The following RGS7 variants were observed in gnomAD, a reference collection of about 807,000 sequenced individuals.
RGS7 encodes regulator of G protein signaling 7.
Under a neutral mutation model 81.1 loss-of-function variants are expected in RGS7, and 27 were observed. The observed-to-expected ratio is 0.33, with a 90% CI of 0.25 to 0.46. RGS7 has a LOEUF of 0.46. Among genes scored for constraint, RGS7 ranks in the 20% least tolerant of loss-of-function variants. RGS7 has a pLI of 1.00. For synonymous variants in RGS7, 208 were observed against 207.7 expected, an observed-to-expected ratio of 1.00 and a Z score of -0.01; for missense variants, 396 against 607.4, an observed-to-expected ratio of 0.65 and a Z score of 3.66.
chr1:241,111,453 A>G (rs2065505133), intron 2 of RGS7, among the ~76,000 whole-genome samples: 1 of 152,132 alleles, frequency 6.6e-6, no homozygotes, highest in Admixed American at 6.6e-5. Context: ...ACATCCTTCT[A>G]CAATTGTCTG....
chr1:241,097,719 GC>G (rs2064377628), intron 3 of RGS7, among the ~76,000 whole-genome samples: 1 of 152,054 alleles, frequency 6.6e-6, no homozygotes, highest in East Asian at 1.9e-4. Context: ...CCCAAAACTG[GC>G]ACTTTCACTG....
intron 3 of RGS7, among the ~76,000 whole-genome samples, chr1:241,036,713 T>A (rs879592887): frequency 6.6e-6 from 1 of 152,234 alleles, no homozygotes; most frequent in Non-Finnish European, 1.5e-5. Context: ...CTAAGTATGT[T>A]GTAGTAGAGA....
intron 4 of RGS7, among the ~76,000 whole-genome samples, chr1:240,953,001 G>T (rs926506691): frequency 5.2e-4 from 79 of 151,806 alleles, no homozygotes; most frequent in Non-Finnish European, 1.0e-3. Context: ...ACAATAAATT[G>T]ATTATGAAGA....
intron 2 of RGS7, among the ~76,000 whole-genome samples, chr1:241,113,446 C>T (rs1240046292): frequency 1.3e-5 from 2 of 152,118 alleles, no homozygotes; most frequent in African/African-American, 4.8e-5. Context: ...TGTGTCTCCA[C>T]CAGCCAAGAG....
chr1:241,188,832 A>T (rs1359636482), intron 2 of RGS7, among the ~76,000 whole-genome samples: 1 of 152,238 alleles, frequency 6.6e-6, no homozygotes, highest in Non-Finnish European at 1.5e-5. Context: ...TTACCACCTC[A>T]AATAATTATT....
intron 9 of RGS7, among the ~76,000 whole-genome samples, chr1:240,867,872 C>T (rs1663599911): frequency 6.6e-6 from 1 of 151,810 alleles, no homozygotes; most frequent in Non-Finnish European, 1.5e-5. Flanking sequence ...CTTGGTGGCA[C>T]ATGCCTGTTG....
intron 3 of RGS7, among the ~76,000 whole-genome samples, chr1:241,068,238 G>GTATATATATA (rs1553407877): frequency 1.7e-4 from 6 of 35,658 alleles, no homozygotes; most frequent in African/African-American, 5.7e-4. Context: ...GTGTGTGTGT[G>GTATATATATA]TATATATATA....
chr1:241,263,095 T>C (rs1280500120), intron 2 of RGS7, among the ~76,000 whole-genome samples: 1 of 151,550 alleles, frequency 6.6e-6, no homozygotes, highest in African/African-American at 2.4e-5. Context: ...CAAAACTCTG[T>C]CTCAAAACAA....
intron 9 of RGS7, among the ~76,000 whole-genome samples, chr1:240,843,622 A>T (rs1658526282): frequency 3.3e-5 from 5 of 152,226 alleles, no homozygotes; most frequent in Admixed American, 3.3e-4. Flanking sequence ...GTTTTGAAAA[A>T]ATCCAGTTAT....
At chr1:241,011,457 A>G (rs2058952329) in intron 3 of RGS7, among the ~76,000 whole-genome samples, 1 of 152,202 alleles carries the variant, frequency 6.6e-6, no homozygotes, top group South Asian at 2.1e-4. Context: ...TTAGAAATGA[A>G]AACCAAGTAA....
intron 18 of RGS7, among the ~76,000 whole-genome samples, chr1:240,781,347 T>C (rs1308953239): frequency 6.6e-6 from 1 of 152,240 alleles, no homozygotes; most frequent in Non-Finnish European, 1.5e-5. Flanking sequence ...GGCTCAGGCC[T>C]GTAACCCCCG....
At chr1:241,285,731 C>A (rs1051224890) in intron 2 of RGS7, among the ~76,000 whole-genome samples, 2 of 152,148 alleles carry the variant, frequency 1.3e-5, no homozygotes, top group Non-Finnish European at 2.9e-5. Context: ...TAAATGTTCA[C>A]AACGAAGCTC....
At chr1:240,936,499 A>G in intron 5 of RGS7, 101 bp downstream of exon 5, 1 of 874,512 alleles carries the variant, frequency 1.1e-6, no homozygotes, top group East Asian at 2.4e-5. Context: ...TCAAAGTAAA[A>G]TAAGTCATAG....
At chr1:241,206,353 T>A (rs760102096) in intron 2 of RGS7, among the ~76,000 whole-genome samples, 3 of 151,510 alleles carry the variant, frequency 2.0e-5, no homozygotes, top group Non-Finnish European at 4.4e-5. Flanking sequence ...GTCTCCTGAG[T>A]AGCTGGGATT....
Position 241,144,021 on chromosome 1 carries a change from A to G in RGS7, c.79-45259T>C, listed in dbSNP as rs994839346. Among the ~76,000 whole-genome samples the G allele has an allele frequency of 3.9e-5, 6 of 152,094 alleles. No homozygotes were observed. The highest frequency in any genetic ancestry group is 1.4e-4 in the African/African-American group (6 of 41,420). On this transcript the variant is annotated intron_variant, in intron 2 of 18. Transcript: ENST00000440928. The surrounding 1 kb of genome is among the most constrained non-coding windows in gnomAD (Gnocchi z 4.7). The stretch of plus-strand genomic sequence containing the variant: ...CAGCCTCCAGAACTCTGAGAAATAC[A>G]TTTCTATTGTGTATAAGCCACTCAG...
At chr1:240,854,700 C>A (rs575671740) in intron 9 of RGS7, among the ~76,000 whole-genome samples, 11 of 152,310 alleles carry the variant, frequency 7.2e-5, no homozygotes, top group Non-Finnish European at 1.5e-4. Context: ...CTCCTTTTTC[C>A]AATGACAGCT....
Position 241,326,974 on chromosome 1 carries a change from G to C in RGS7, c.78+28725C>G, listed in dbSNP as rs937398088. Reference sequence around the variant, plus strand: ...GCAGGAAGGAAGGAAGAGAGAGAGAGAGAGAGAAGAAAGGCAGGAAGAAGG... The same window carrying C: ...GCAGGAAGGAAGGAAGAGAGAGAGACAGAGAGAAGAAAGGCAGGAAGAAGG... On this transcript the variant is annotated intron_variant, in intron 2 of 18. Transcript: ENST00000440928. Among the ~76,000 whole-genome samples the C allele has an allele frequency of 3.7e-4, 47 of 128,046 alleles. 1 individual carries two copies. Among genetic ancestry groups the C allele is most frequent in the Admixed American group, 7.8e-4 (9 of 11,562 alleles). 84.0% of individuals were successfully genotyped at this position (128,046 alleles called of 152,430 possible).
intron 2 of RGS7, among the ~76,000 whole-genome samples, chr1:241,303,593 T>C (rs1439102889): frequency 6.6e-6 from 1 of 152,226 alleles, no homozygotes; most frequent in Non-Finnish European, 1.5e-5. Context: ...ATTTCTTTGG[T>C]AAACCTTTTT....
Position 241,154,139 on chromosome 1 carries a change from C to T in RGS7, c.79-55377G>A, listed in dbSNP as rs541710044. Among the ~76,000 whole-genome samples, 40 of 152,050 alleles carry T rather than the reference C, an allele frequency of 2.6e-4. No homozygotes were observed. The South Asian group carries it at 5.2e-3, about 20-fold the overall frequency. ...GAAGTTAGACAGGAAGCAAGTAGTA[C>T]GTATATAAAGTATTTTCAGATACTG... is the stretch of plus-strand genomic sequence containing the variant. On this transcript the variant is annotated intron_variant, in intron 2 of 18. Coordinates refer to ENST00000440928, the MANE Select transcript of RGS7 (RefSeq NM_001364886.1).
Sources: gnomAD v4.1 joint callset for allele counts (sites outside exome capture counted in the v4.1 genomes callset) on GRCh38, gnomAD v4.1.1 for gene constraint, Gnocchi (gnomAD v3.1) non-coding constraint, MANE v1.5 for transcripts, NCBI Gene and HGNC (gene_info 2026-07-23, HGNC 2026-07-21) for gene names.